The following BTBD9 variants were observed in gnomAD, a reference collection of about 807,000 sequenced individuals.
BTBD9 encodes BTB/POZ domain-containing protein 9.
Under a neutral mutation model 64.3 loss-of-function variants are expected in BTBD9, and 49 were observed. That is an observed-to-expected ratio of 0.76 (90% CI 0.61 to 0.97). The LOEUF (loss-of-function observed/expected upper bound fraction) is 0.97, where lower values mean the gene tolerates loss of function less well. Among genes scored for constraint, BTBD9 ranks in the 50% least tolerant of loss-of-function variants. BTBD9 has a pLI of 0.00. For synonymous variants in BTBD9, 260 were observed against 274.7 expected (o/e 0.95, Z 0.53); for missense variants, 598 against 762.1 (o/e 0.78, Z 2.53).
Position 38,618,468 on chromosome 6 carries a change from C to T in BTBD9, c.-27-20347G>A, listed in dbSNP as rs146173644. Among the ~76,000 whole-genome samples, 353 of 152,318 alleles carry T rather than the reference C, an allele frequency of 2.3e-3. 1 individual carries two copies. Among genetic ancestry groups the T allele is most frequent in the African/African-American group, 8.0e-3 (334 of 41,564 alleles). On this transcript the variant is annotated intron_variant, in intron 1 of 10. Transcript: ENST00000481247. ...ACAGGAGGACCTCTCAGCTTATCTC[C>T]ATATCCTAGCCTCCCCACAGCTCCC...
intron 10 of BTBD9, among the ~76,000 whole-genome samples, chr6:38,191,281 A>C (rs905930051): frequency 6.6e-5 from 10 of 152,240 alleles, no homozygotes; most frequent in African/African-American, 2.4e-4. Context: ...CAATATTTTC[A>C]CGTTTAAAAA....
chr6:38,236,193 C>T (rs548198267), intron 9 of BTBD9, among the ~76,000 whole-genome samples: 4 of 152,346 alleles, frequency 2.6e-5, no homozygotes, highest in South Asian at 4.1e-4. Flanking sequence ...AGATGCGTTT[C>T]TCCTCTTCAT....
chr6:38,584,259 T>C (rs1776413982), intron 4 of BTBD9, among the ~76,000 whole-genome samples: 1 of 151,936 alleles, frequency 6.6e-6, no homozygotes, highest in Admixed American at 6.6e-5. Context: ...ACCTGGGAGG[T>C]GGAGGCTGCA....
At chr6:38,267,871 C>T (rs1326061580) in intron 8 of BTBD9, among the ~76,000 whole-genome samples, 1 of 152,142 alleles carries the variant, frequency 6.6e-6, no homozygotes, top group African/African-American at 2.4e-5. Context: ...ACCCAGGAAG[C>T]AGAGCTTGCA....
intron 8 of BTBD9, among the ~76,000 whole-genome samples, chr6:38,259,665 G>A (rs1012365447): frequency 2.6e-5 from 4 of 152,126 alleles, no homozygotes; most frequent in Admixed American, 6.6e-5. Context: ...CTACCCTCTC[G>A]CCTGGCCTCC....
At chr6:38,613,519 G>C (rs770584357) in intron 1 of BTBD9, among the ~76,000 whole-genome samples, 1 of 152,076 alleles carries the variant, frequency 6.6e-6, no homozygotes, top group Non-Finnish European at 1.5e-5. Context: ...CTACTTGGGA[G>C]GAGGTGGGGT....
rs3047754 is a variant in BTBD9 at position 38,217,318 on chromosome 6, CAAAAAAAAAA to C, written c.1563-24731_1563-24722del. Among the ~76,000 whole-genome samples, 31 of 69,252 alleles carry C rather than the reference CAAAAAAAAAA, an allele frequency of 4.5e-4. 1 individual carries two copies. The highest frequency in any genetic ancestry group is 1.5e-3 in the African/African-American group (25 of 16,182). 45.4% of individuals were successfully genotyped at this position (69,252 alleles called of 152,430 possible). A position where few individuals can be genotyped will look rare whatever the true frequency, so the allele number is the denominator to read the frequency against. The stretch of plus-strand genomic sequence containing the variant: ...TGGGTGACAGAGCAAGACTCCATCT[CAAAAAAAAAA>C]AAAAAAAAAAAAAAGAATCCCCATC... On this transcript the variant is annotated intron_variant, in intron 9 of 10. Coordinates refer to ENST00000481247, the MANE Select transcript of BTBD9 (RefSeq NM_001099272.2).
intron 10 of BTBD9, among the ~76,000 whole-genome samples, chr6:38,176,664 G>A (rs937467167): frequency 6.6e-6 from 1 of 152,144 alleles, no homozygotes; most frequent in African/African-American, 2.4e-5. Flanking sequence ...TAGGTCCTAG[G>A]GGAAGGCCTT....
intron 6 of BTBD9, among the ~76,000 whole-genome samples, chr6:38,497,295 C>G: frequency 6.6e-6 from 1 of 152,154 alleles, no homozygotes; most frequent in Non-Finnish European, 1.5e-5. Flanking sequence ...ACTGCTGTCA[C>G]AGGCAGTTGC....
chr6:38,460,634 G>GT (rs1161186181), intron 6 of BTBD9, among the ~76,000 whole-genome samples: 1 of 151,886 alleles, frequency 6.6e-6, no homozygotes, highest in Non-Finnish European at 1.5e-5. Context: ...TTTTGTTTTT[G>GT]TTTTTTTGAG....
At chr6:38,242,595 A>C (rs377214324) in intron 9 of BTBD9, among the ~76,000 whole-genome samples, 8 of 152,370 alleles carry the variant, frequency 5.3e-5, no homozygotes, top group Admixed American at 3.3e-4. Flanking sequence ...GTGTGTGTGT[A>C]CACAAACAAG....
intron 7 of BTBD9, among the ~76,000 whole-genome samples, chr6:38,342,535 C>CAA (rs762825969): frequency 0.024 from 1,293 of 54,504 alleles, 36 homozygotes; most frequent in Admixed American, 0.077. Flanking sequence ...GACTCTGTCT[C>CAA]AAAAAAAAAA....
At chr6:38,353,415 CG>C (rs946300845) in intron 6 of BTBD9, among the ~76,000 whole-genome samples, 24 of 137,594 alleles carry the variant, frequency 1.7e-4, no homozygotes, top group African/African-American at 4.1e-4. Flanking sequence ...AGAAGAGAGA[CG>C]GGGGAGAAAA....
At chr6:38,417,800 G>GAGAGAGAGAGAGA (rs1554149297) in intron 6 of BTBD9, among the ~76,000 whole-genome samples, 8 of 143,038 alleles carry the variant, frequency 5.6e-5, no homozygotes, top group East Asian at 2.0e-4. Context: ...GAGAGAGAGA[G>GAGAGAGAGAGAGA]AAAAAAAATA....
In BTBD9 at chr6:38,169,893, G is replaced by A; in HGVS notation, c.*5092C>T. Reference sequence around the variant, plus strand: ...ATGAGGCCTCTTGGGGACTATTTCAGTTCTTTAAAAAAAAGAAGACACGAA... The same window carrying A: ...ATGAGGCCTCTTGGGGACTATTTCAATTCTTTAAAAAAAAGAAGACACGAA... On this transcript the variant is annotated 3_prime_UTR_variant, in exon 11 of 11. Coordinates refer to ENST00000481247, the MANE Select transcript of BTBD9 (RefSeq NM_001099272.2). 1 of 87,638 alleles carries A rather than the reference G, an allele frequency of 1.1e-5. No homozygotes were observed. Among genetic ancestry groups the A allele is most frequent in the East Asian group, 2.0e-4 (1 of 4,940 alleles). 5.4% of individuals were successfully genotyped at this position (87,638 alleles called of 1,614,324 possible). A position where few individuals can be genotyped will look rare whatever the true frequency, so the allele number is the denominator to read the frequency against.
At chr6:38,540,740 T>A (rs1025920669) in intron 6 of BTBD9, among the ~76,000 whole-genome samples, 1 of 152,228 alleles carries the variant, frequency 6.6e-6, no homozygotes, top group African/African-American at 2.4e-5. Flanking sequence ...CTGGTATCCC[T>A]GGACAGCAAA....
At chr6:38,363,937 T>C (rs1562080900) in intron 6 of BTBD9, among the ~76,000 whole-genome samples, 1 of 152,196 alleles carries the variant, frequency 6.6e-6, no homozygotes, top group East Asian at 1.9e-4. Flanking sequence ...CCTTGTGGGC[T>C]CCACTTCTCC....
intron 6 of BTBD9, among the ~76,000 whole-genome samples, chr6:38,463,952 A>C (rs1770221635): frequency 2.6e-5 from 4 of 152,152 alleles, no homozygotes; most frequent in Admixed American, 2.0e-4. Context: ...GGATCATCTG[A>C]GCCGGAGATG....
At chr6:38,349,418 T>A (rs1182974275) in intron 6 of BTBD9, among the ~76,000 whole-genome samples, 2 of 152,138 alleles carry the variant, frequency 1.3e-5, no homozygotes, top group African/African-American at 4.8e-5. Context: ...AGTCCCCCCT[T>A]ATCTGTGGTT....
Sources: allele counts gnomAD v4.1 joint callset (sites outside exome capture counted in the v4.1 genomes callset), GRCh38; gene constraint gnomAD v4.1.1; transcripts MANE v1.5; gene names NCBI Gene and HGNC (gene_info 2026-07-23, HGNC 2026-07-21).